Variants in CHD7 observed in about 807,000 individuals in gnomAD.
CHD7 encodes the protein chromodomain helicase DNA binding protein 7, also known as ATP-dependent chromatin remodeler CHD7.
CHD7 carries 24 observed loss-of-function variants against 307.3 expected under a neutral mutation model. The observed-to-expected ratio is 0.08, with a 90% CI of 0.06 to 0.11. CHD7 has a LOEUF of 0.11. Ranked by LOEUF, CHD7 falls within the 10% of genes least tolerant of loss-of-function variation. The pLI, the probability that CHD7 is intolerant of heterozygous loss-of-function variation, is 1.00. For missense variants in CHD7, 3,106 were observed against 3,727.1 expected, an observed-to-expected ratio of 0.83 and a Z score of 4.34; for synonymous variants, 1,363 against 1,349.9, an observed-to-expected ratio of 1.01 and a Z score of -0.21.
intron 1 of CHD7, among the ~76,000 whole-genome samples, chr8:60,715,326 CTTTT>C (rs11376102): frequency 1.4e-4 from 17 of 125,896 alleles, no homozygotes; most frequent in African/African-American, 4.9e-4. Context: ...AGGGCTCTGC[CTTTT>C]TTTTTTTTTT....
chr8:60,725,047 T>C (rs1336003329), intron 1 of CHD7, among the ~76,000 whole-genome samples: 1 of 152,250 alleles, frequency 6.6e-6, no homozygotes, highest in African/African-American at 2.4e-5. Context: ...TATCTTTTAC[T>C]CCTTCAACAA....
intron 2 of CHD7, among the ~76,000 whole-genome samples, chr8:60,761,367 A>G (rs533223256): frequency 6.7e-6 from 1 of 149,638 alleles, no homozygotes; most frequent in East Asian, 2.0e-4. Context: ...GGGGAGGGAT[A>G]GCACTGGGAG....
At chr8:60,818,580 A>G (rs922520051) in intron 8 of CHD7, among the ~76,000 whole-genome samples, 2 of 152,318 alleles carry the variant, frequency 1.3e-5, no homozygotes, top group South Asian at 2.1e-4. Flanking sequence ...GAACATTTCA[A>G]TGGATTTTTT....
chr8:60,678,780 G>GCGGCGC lies in CHD7; in HGVS notation c.-472_-471insCCGGCG, dbSNP rs1352151885. 1 of 142,714 alleles carries GCGGCGC rather than the reference G, an allele frequency of 7.0e-6. No individual in the cohort carries two copies. Among genetic ancestry groups the GCGGCGC allele is most frequent in the Non-Finnish European group, 1.5e-5 (1 of 64,618 alleles). 8.8% of individuals were successfully genotyped at this position (142,714 alleles called of 1,614,324 possible). A position where few individuals can be genotyped will look rare whatever the true frequency, so the allele number is the denominator to read the frequency against. On this transcript the variant is annotated 5_prime_UTR_variant, in exon 1 of 38. Transcript: ENST00000423902. ...TGCTGGGGCCGCGGCGGCGGCGGCG[G>GCGGCGC]CGGCGGCGGCAGCGGCGGCGGCGGC...
intron 32 of CHD7, among the ~76,000 whole-genome samples, 178 bp from the exon 33 acceptor site, chr8:60,855,797 T>C (rs1035915805): frequency 3.9e-5 from 6 of 152,258 alleles, no homozygotes; most frequent in African/African-American, 1.2e-4. Context: ...AATGCCATTA[T>C]AGGAGATTTT....
chr8:60,862,755 A>T (rs1018082616), intron 37 of CHD7, 103 bp downstream of exon 37: 1 of 746,200 alleles, frequency 1.3e-6, no homozygotes, highest in African/African-American at 1.7e-5. Context: ...GTTGTAACTT[A>T]GCTTAAAAGA....
chr8:60,789,790 G>A (rs748526335), intron 3 of CHD7, among the ~76,000 whole-genome samples: 1 of 152,240 alleles, frequency 6.6e-6, no homozygotes. Flanking sequence ...GCACTAGGCC[G>A]TCCTTACGAA....
intron 2 of CHD7, among the ~76,000 whole-genome samples, chr8:60,755,705 T>C (rs1011373668): frequency 6.6e-6 from 1 of 152,228 alleles, no homozygotes; most frequent in Non-Finnish European, 1.5e-5. Context: ...GTGTATTAAA[T>C]GAAATGTTTC....
intron 1 of CHD7, among the ~76,000 whole-genome samples, chr8:60,698,540 C>T (rs1009400547): frequency 1.5e-4 from 23 of 152,222 alleles, no homozygotes; most frequent in Non-Finnish European, 2.9e-4. Context: ...AGTTGCAGTA[C>T]TCTCTGCCTT....
In CHD7 at chr8:60,742,116, C is replaced by T. The variant is rs1216889525; in HGVS notation, c.684C>T (p.Ala228=). ...TCAATCAGGGAAATCCTTTTATTGC[C>T]ACCTCAGGACCTGGCCACTTGTCCC... ...EGLNQGNPFI[A]TSGPGHLSHV... Residue 228 remains alanine (A), a synonymous_variant, in exon 2 of 38, where the codon GCC becomes GCT. Transcript: ENST00000423902. 2 of 1,613,948 alleles carry T rather than the reference C, an allele frequency of 1.2e-6. No individual in the cohort carries two copies. Among genetic ancestry groups the T allele is most frequent in the South Asian group, 1.1e-5 (1 of 91,090 alleles).
At chr8:60,749,042 A>G (rs1220299234) in intron 2 of CHD7, among the ~76,000 whole-genome samples, 2 of 151,730 alleles carry the variant, frequency 1.3e-5, no homozygotes, top group African/African-American at 4.8e-5. Flanking sequence ...AGTAGCATCA[A>G]TCTTATACTG....
At chr8:60,747,848 G>T (rs74752268) in intron 2 of CHD7, among the ~76,000 whole-genome samples, 1 of 152,152 alleles carries the variant, frequency 6.6e-6, no homozygotes, top group Non-Finnish European at 1.5e-5. Flanking sequence ...TGAAGTGAGG[G>T]ATCATATGCC....
In CHD7 at chr8:60,781,093, C is replaced by G. The variant is rs866602168; in HGVS notation, c.1759C>G (p.Leu587Val). 1 of 1,611,000 alleles carries G rather than the reference C, an allele frequency of 6.2e-7. No individual in the cohort carries two copies. Among genetic ancestry groups the G allele is most frequent in the South Asian group, 1.1e-5 (1 of 90,336 alleles). ...TCAGCTAGTGAAGAGTGATGATTAC[C>G]TGCCATCAATAGAACAGCAGCCACA... ...NAQLVKSDDY[L>V]PSIEQQPQQK... Residue 587 changes from leucine to valine, a missense_variant, in exon 3 of 38, where the codon CTG becomes GTG. Transcript: ENST00000423902.
intron 2 of CHD7, among the ~76,000 whole-genome samples, chr8:60,761,027 A>G (rs1810169573): frequency 1.3e-5 from 2 of 152,122 alleles, no homozygotes; most frequent in Non-Finnish European, 2.9e-5. Context: ...ATGCTGCTAT[A>G]AAGACACATG....
chr8:60,795,193 A>C, intron 4 of CHD7, 66 bp downstream of exon 4: 1 of 1,481,064 alleles, frequency 6.8e-7, no homozygotes, highest in East Asian at 2.3e-5. Context: ...CCATGTATGA[A>C]GTACACAAGA....
At chr8:60,738,974 A>G (rs1808850091) in intron 1 of CHD7, among the ~76,000 whole-genome samples, 1 of 152,164 alleles carries the variant, frequency 6.6e-6, no homozygotes, top group Admixed American at 6.5e-5. Flanking sequence ...TCATGCGCAT[A>G]GGCAACTTGT....
intron 1 of CHD7, among the ~76,000 whole-genome samples, chr8:60,726,537 G>A (rs571116789): frequency 1.3e-5 from 2 of 152,198 alleles, no homozygotes; most frequent in South Asian, 2.1e-4. Context: ...ATGTGTGATC[G>A]TCTGCACTGA....
At chr8:60,681,588 G>A (rs959877995) in intron 1 of CHD7, among the ~76,000 whole-genome samples, 1 of 152,128 alleles carries the variant, frequency 6.6e-6, no homozygotes, top group African/African-American at 2.4e-5. Flanking sequence ...TTTGGAAATG[G>A]GTAAAGGCTT....
At position 60,704,048 on chromosome 8, in the gene CHD7, C is replaced by G. The variant is rs906406563; in HGVS notation, c.-175+24966C>G. ...TATGCCATCTTAGGGCTTTTTTCCCCTGATGCTTCCCCTGCCCCTTTAAAA... is the reference window on the plus strand; with the variant it reads ...TATGCCATCTTAGGGCTTTTTTCCCGTGATGCTTCCCCTGCCCCTTTAAAA... On this transcript the variant is annotated intron_variant, in intron 1 of 37. Coordinates refer to ENST00000423902, the MANE Select transcript of CHD7 (RefSeq NM_017780.4). Among the ~76,000 whole-genome samples, 4 of 152,046 alleles carry G rather than the reference C, an allele frequency of 2.6e-5. No homozygotes were observed. The East Asian group carries it at 7.7e-4, about 29-fold the overall frequency.
Sources: gnomAD v4.1 joint callset for allele counts (sites outside exome capture counted in the v4.1 genomes callset) on GRCh38, gnomAD v4.1.1 for gene constraint, MANE v1.5 for transcripts, NCBI Gene and HGNC (gene_info 2026-07-23, HGNC 2026-07-21) for gene names.